NRXN3: variants seen among roughly 807,000 people sequenced by gnomAD.
NRXN3 encodes neurexin 3.
In NRXN3, 32 loss-of-function variants were observed where a neutral mutation model predicts 137.6. The observed-to-expected ratio is 0.23, with a 90% confidence interval of 0.18 to 0.31. The LOEUF (loss-of-function observed/expected upper bound fraction) is 0.31, where lower values mean the gene tolerates loss of function less well. NRXN3 is among the 10% of genes least tolerant of loss of function. The pLI, the probability that NRXN3 is intolerant of heterozygous loss-of-function variation, is 1.00. For synonymous variants in NRXN3, 798 were observed against 784.5 expected (o/e 1.02, Z -0.29); for missense variants, 1,574 against 2,062.5 (o/e 0.76, Z 4.59).
intron 12 of NRXN3, among the ~76,000 whole-genome samples, chr14:78,966,842 C>A (rs2099418342): frequency 6.6e-6 from 1 of 152,192 alleles, no homozygotes; most frequent in South Asian, 2.1e-4. Context: ...AGACATTTTA[C>A]TACCATGTAT....
intron 4 of NRXN3, among the ~76,000 whole-genome samples, chr14:78,330,883 C>T (rs2080735923): frequency 6.6e-6 from 1 of 152,124 alleles, no homozygotes; most frequent in African/African-American, 2.4e-5. Flanking sequence ...AATTTACTAG[C>T]AGTTTTTCAT....
chr14:78,192,280 C>G (rs531086645), intron 1 of NRXN3, among the ~76,000 whole-genome samples: 1 of 152,180 alleles, frequency 6.6e-6, no homozygotes, highest in East Asian at 1.9e-4. Context: ...CCTGTGGTGT[C>G]ATTGTCACTC....
rs77469754 is a variant in NRXN3 at position 79,509,316 on chromosome 14, G to C, written c.3444+41914G>C. ...GAGATCAGGAGTTTGAGACCAGCTT[G>C]CCAATATGGTGAAACCATGTCTCTA... On this transcript the variant is annotated intron_variant, in intron 16 of 20. Coordinates refer to ENST00000335750, the MANE Select transcript of NRXN3 (RefSeq NM_001330195.2). Among the ~76,000 whole-genome samples the C allele has an allele frequency of 7.4e-3, 1,128 of 152,266 alleles. 37 individuals carry two copies. In the East Asian group the frequency reaches 0.11, roughly 15 times the overall value.
chr14:78,431,892 G>A (rs967280107), intron 4 of NRXN3, among the ~76,000 whole-genome samples: 2 of 152,046 alleles, frequency 1.3e-5, no homozygotes, highest in Non-Finnish European at 2.9e-5. Context: ...TCCCCACTTT[G>A]CAGATGAGGA....
intron 15 of NRXN3, among the ~76,000 whole-genome samples, chr14:79,172,224 T>C (rs2061855287): frequency 1.3e-5 from 2 of 151,836 alleles, no homozygotes; most frequent in African/African-American, 4.8e-5. Context: ...GAAGCATGTA[T>C]CCCTGAATCT....
chr14:78,715,132 C>A lies in NRXN3; in HGVS notation c.2037C>A (p.Cys679Ter). 6.2e-7 allele frequency: 1 copy of A among 1,606,538 alleles called. No homozygotes were observed. Among genetic ancestry groups the A allele is most frequent in the South Asian group, 1.1e-5 (1 of 91,032 alleles). The change falls in exon 8 of 21, where the codon TGC becomes TGA. Residue 679 changes from cysteine to a stop codon, truncating the protein, a stop_gained. Coordinates refer to ENST00000335750, the MANE Select transcript of NRXN3 (RefSeq NM_001330195.2). LOFTEE classifies it high-confidence loss of function. ...GCACCGGATACTGGGGAAGAACCTG[C>A]GAAAGGGGTGAGTCGGCCTAGAGGA... ...CTGTGYWGRTCEREASILSYD... is the reference protein window; with the variant it reads ...CTGTGYWGRT
intron 20 of NRXN3, among the ~76,000 whole-genome samples, chr14:79,835,916 A>G (rs2099340900): frequency 6.6e-6 from 1 of 152,138 alleles, no homozygotes. Context: ...ACAGTATCCT[A>G]CTTGGCCACT....
rs144566311 is a variant in NRXN3, at chr14:79,371,880, T to C, written c.3263-95341T>C. ...AGAGATAGACAAGACTCTAAATTCA[T>C]GGAACTTTAAGTGGGATGTTCCACA... On this transcript the variant is annotated intron_variant, in intron 15 of 20. Coordinates refer to ENST00000335750, the MANE Select transcript of NRXN3 (RefSeq NM_001330195.2). Among the ~76,000 whole-genome samples the C allele has an allele frequency of 7.8e-3, 1,187 of 152,238 alleles. 7 individuals carry two copies. Among genetic ancestry groups the C allele is most frequent in the Non-Finnish European group, 0.013 (880 of 67,982 alleles).
At chr14:79,061,128 T>C (rs1302290756) in intron 15 of NRXN3, among the ~76,000 whole-genome samples, 2 of 152,200 alleles carry the variant, frequency 1.3e-5, no homozygotes, top group African/African-American at 4.8e-5. Context: ...CCTTAATTGA[T>C]TAATTAATTC....
At chr14:79,610,909 G>A (rs1299563828) in intron 16 of NRXN3, among the ~76,000 whole-genome samples, 1 of 152,218 alleles carries the variant, frequency 6.6e-6, no homozygotes, top group Non-Finnish European at 1.5e-5. Flanking sequence ...GTCAATGCCT[G>A]AAAATAGTGT....
chr14:79,717,621 A>G (rs1453566337), intron 19 of NRXN3, among the ~76,000 whole-genome samples: 3 of 152,228 alleles, frequency 2.0e-5, no homozygotes, highest in East Asian at 1.9e-4. Flanking sequence ...ATGTCTCTCA[A>G]CGATAACACC....
At chr14:79,168,570 A>T (rs753222313) in intron 15 of NRXN3, among the ~76,000 whole-genome samples, 43 of 151,504 alleles carry the variant, frequency 2.8e-4, no homozygotes, top group Non-Finnish European at 3.5e-4. Flanking sequence ...TCTCTTCCTG[A>T]TTATTCTTGA....
intron 4 of NRXN3, among the ~76,000 whole-genome samples, chr14:78,444,943 AAAAAAG>A (rs2094374614): frequency 6.6e-6 from 1 of 151,244 alleles, no homozygotes; most frequent in African/African-American, 2.4e-5. Context: ...AAAAAAAAAA[AAAAAAG>A]GAGTGTTTGA....
At chr14:79,457,047 TAAAA>T (rs879869277) in intron 15 of NRXN3, among the ~76,000 whole-genome samples, 3 of 132,468 alleles carry the variant, frequency 2.3e-5, no homozygotes, top group South Asian at 5.0e-4. Flanking sequence ...GTTCCAGGTT[TAAAA>T]AAAAAAAAAA....
intron 10 of NRXN3, among the ~76,000 whole-genome samples, chr14:78,875,060 A>G (rs1439211882): frequency 6.6e-6 from 1 of 152,228 alleles, no homozygotes. Context: ...GAGGGTGGGG[A>G]GTTTCCTGGG....
rs2062138529 is a variant in NRXN3 at position 78,205,892 on chromosome 14, A to G, written c.-704+35218A>G. Among the ~76,000 whole-genome samples, 3 of 152,204 alleles carry G rather than the reference A, an allele frequency of 2.0e-5. No individual in the cohort carries two copies. The South Asian group carries it at 6.2e-4, about 31-fold the overall frequency. ...GGACCAGGGCTGAATGCAAGGAGAT[A>G]AGTGAGGAGTCTAGGTCAACAATTC... On this transcript the variant is annotated intron_variant, in intron 1 of 20. Coordinates refer to ENST00000335750, the MANE Select transcript of NRXN3 (RefSeq NM_001330195.2).
At chr14:78,787,144 T>C (rs912035099) in intron 8 of NRXN3, among the ~76,000 whole-genome samples, 1 of 152,214 alleles carries the variant, frequency 6.6e-6, no homozygotes, top group African/African-American at 2.4e-5. Context: ...GTTCACGTTG[T>C]ATTTGTGACC....
intron 19 of NRXN3, 140 bp downstream of exon 19, chr14:79,698,077 C>T (rs2098741712): frequency 1.3e-6 from 1 of 761,340 alleles, no homozygotes; most frequent in African/African-American, 1.8e-5. Flanking sequence ...TAATGAGACC[C>T]AGGAGAAGAG....
chr14:79,639,112 A>G (rs949157933), intron 16 of NRXN3, among the ~76,000 whole-genome samples: 1 of 152,166 alleles, frequency 6.6e-6, no homozygotes, highest in African/African-American at 2.4e-5. Context: ...ACCTAGAGAT[A>G]TGTGTGCACA....
Sources: gnomAD v4.1 joint callset for allele counts (sites outside exome capture counted in the v4.1 genomes callset) on GRCh38, gnomAD v4.1.1 for gene constraint, MANE v1.5 for transcripts, NCBI Gene and HGNC (gene_info 2026-07-23, HGNC 2026-07-21) for gene names.